LPP: variants seen among roughly 807,000 people sequenced by gnomAD.
LPP encodes lipoma-preferred partner.
Under a neutral mutation model 60.4 loss-of-function variants are expected in LPP, and 38 were observed. That is an observed-to-expected ratio of 0.63 (90% CI 0.49 to 0.83). The LOEUF is 0.83. Ranked by LOEUF, LPP falls within the 40% of genes least tolerant of loss-of-function variation. The probability of loss-of-function intolerance (pLI) is 0.00; values close to 1 mark genes in which losing one functional copy is unlikely to be tolerated. For synonymous variants in LPP, 328 were observed against 290.8 expected (o/e 1.13, Z -1.30); for missense variants, 902 against 783.6 (o/e 1.15, Z -1.80).
intron 7 of LPP, among the ~76,000 whole-genome samples, chr3:188,677,826 T>G (rs1560051420): frequency 6.6e-6 from 1 of 152,084 alleles, no homozygotes; most frequent in Non-Finnish European, 1.5e-5. Flanking sequence ...GTGTTTAAGG[T>G]GTTTACATCA....
intron 3 of LPP, among the ~76,000 whole-genome samples, chr3:188,379,790 T>A (rs899973024): frequency 6.6e-6 from 1 of 152,198 alleles, no homozygotes; most frequent in Non-Finnish European, 1.5e-5. Flanking sequence ...TGGTGAAGAA[T>A]AGAAGCAAGT....
intron 4 of LPP, among the ~76,000 whole-genome samples, chr3:188,450,097 C>A (rs1578987887): frequency 6.6e-6 from 1 of 152,204 alleles, no homozygotes; most frequent in South Asian, 2.1e-4. Context: ...GCCACCACGC[C>A]CAACCTGTAT....
intron 6 of LPP, among the ~76,000 whole-genome samples, chr3:188,549,779 T>G (rs1014733343): frequency 6.6e-6 from 1 of 152,228 alleles, no homozygotes; most frequent in African/African-American, 2.4e-5. Context: ...TTGTATTTAC[T>G]CATGTATATT....
chr3:188,668,697 T>C (rs941115983), intron 7 of LPP, among the ~76,000 whole-genome samples: 1 of 152,214 alleles, frequency 6.6e-6, no homozygotes, highest in African/African-American at 2.4e-5. Flanking sequence ...GCAAGATCAC[T>C]GAGTCATTTG....
intron 2 of LPP, among the ~76,000 whole-genome samples, chr3:188,229,605 C>T (rs1416716836): frequency 6.6e-6 from 1 of 152,206 alleles, no homozygotes; most frequent in Non-Finnish European, 1.5e-5. Flanking sequence ...CGGGTCTGAG[C>T]AGTGACCTAT....
chr3:188,802,863 C>T (rs1747729169), intron 9 of LPP, among the ~76,000 whole-genome samples: 1 of 151,852 alleles, frequency 6.6e-6, no homozygotes, highest in Non-Finnish European at 1.5e-5. Context: ...TGGCTAAGTT[C>T]TCAAAAGTAA....
At chr3:188,786,153 G>A (rs990314399) in intron 9 of LPP, among the ~76,000 whole-genome samples, 5 of 152,018 alleles carry the variant, frequency 3.3e-5, no homozygotes, top group African/African-American at 9.7e-5. Context: ...GCTGAGGCGG[G>A]TGGATCACTT....
In LPP at chr3:188,862,175, G is replaced by A. The variant is rs1578032970; in HGVS notation, c.1411-4025G>A. Among the ~76,000 whole-genome samples, 4 of 152,298 alleles carry A rather than the reference G, an allele frequency of 2.6e-5. No individual in the cohort carries two copies. The South Asian group carries it at 8.3e-4, about 32-fold the overall frequency. On this transcript the variant is annotated intron_variant, in intron 9 of 11. Transcript: ENST00000617246. Reference sequence around the variant, plus strand: ...CTTCCTATACTTTCCCACAGGTGTTGATTGCAAGGACACTTCTTGATAACT... The same window carrying A: ...CTTCCTATACTTTCCCACAGGTGTTAATTGCAAGGACACTTCTTGATAACT...
At chr3:188,510,359 G>A (rs1815091836) in intron 5 of LPP, among the ~76,000 whole-genome samples, 2 of 152,124 alleles carry the variant, frequency 1.3e-5, no homozygotes, top group Non-Finnish European at 2.9e-5. Context: ...GTGGAATCAC[G>A]TTCATTTCTG....
intron 3 of LPP, among the ~76,000 whole-genome samples, chr3:188,402,189 T>C (rs1335040802): frequency 2.0e-5 from 3 of 152,142 alleles, no homozygotes; most frequent in Non-Finnish European, 4.4e-5. Context: ...TTAAATATCC[T>C]AGACAGTAGA....
At chr3:188,159,600 ATACT>A (rs1269989008) in intron 1 of LPP, among the ~76,000 whole-genome samples, 1 of 152,196 alleles carries the variant, frequency 6.6e-6, no homozygotes, top group Non-Finnish European at 1.5e-5. Flanking sequence ...CACTCCAGAA[ATACT>A]TGCTTGATGA....
intron 1 of LPP, among the ~76,000 whole-genome samples, chr3:188,203,562 TATAA>T (rs1234216496): frequency 3.9e-5 from 4 of 103,584 alleles, no homozygotes; most frequent in African/African-American, 7.8e-5. Context: ...TTTAAATATA[TATAA>T]ATATATATTT....
intron 3 of LPP, among the ~76,000 whole-genome samples, chr3:188,374,320 T>C (rs942724889): frequency 9.2e-5 from 14 of 152,322 alleles, no homozygotes; most frequent in Middle Eastern, 3.4e-3. Context: ...TTTCATGATA[T>C]TGATTCTTCC....
At chr3:188,184,822 A>G (rs1423715159) in intron 1 of LPP, among the ~76,000 whole-genome samples, 1 of 151,926 alleles carries the variant, frequency 6.6e-6, no homozygotes, top group Non-Finnish European at 1.5e-5. Flanking sequence ...GTTAGCCTGA[A>G]GGAGATGTAG....
intron 1 of LPP, among the ~76,000 whole-genome samples, chr3:188,165,740 G>A (rs938412308): frequency 1.8e-4 from 28 of 152,164 alleles, no homozygotes; most frequent in African/African-American, 4.8e-4. Flanking sequence ...AAGCAAAACC[G>A]AATTAGGGTT....
chr3:188,655,327 T>G (rs1852938362), intron 7 of LPP, among the ~76,000 whole-genome samples: 1 of 151,918 alleles, frequency 6.6e-6, no homozygotes, highest in African/African-American at 2.4e-5. Flanking sequence ...GATCAGGAAG[T>G]GGTATCAGGG....
At chr3:188,718,785 T>C (rs1715137614) in intron 8 of LPP, among the ~76,000 whole-genome samples, 1 of 152,178 alleles carries the variant, frequency 6.6e-6, no homozygotes, top group Non-Finnish European at 1.5e-5. Flanking sequence ...TATAGTAAAC[T>C]ATAGGGAGGA....
At chr3:188,734,799 G>T (rs898116555) in intron 8 of LPP, among the ~76,000 whole-genome samples, 2 of 152,196 alleles carry the variant, frequency 1.3e-5, no homozygotes, top group East Asian at 1.9e-4. Context: ...TCAATGGAAA[G>T]GATGCATTTG....
In LPP at chr3:188,610,688, A is replaced by T. The variant is rs73194495; in HGVS notation, c.1113+844A>T. ...TTCGTCTGAATAGGTAAGGTGTAAT[A>T]CTACACATGCCCACTCACCACAACT... On this transcript the variant is annotated intron_variant, in intron 7 of 11. Transcript: ENST00000617246. This position sits in a 1 kb window ranked among gnomAD's most constrained non-coding sequence, Gnocchi z 4.4. 0.15 allele frequency among the ~76,000 whole-genome samples: 22,896 copies of T among 152,216 alleles called. 1,868 individuals carry two copies. Among genetic ancestry groups the T allele is most frequent in the Non-Finnish European group, 0.19 (12,626 of 68,002 alleles).
Sources: gnomAD v4.1 joint callset for allele counts (sites outside exome capture counted in the v4.1 genomes callset) on GRCh38, gnomAD v4.1.1 for gene constraint, Gnocchi (gnomAD v3.1) non-coding constraint, MANE v1.5 for transcripts, NCBI Gene and HGNC (gene_info 2026-07-23, HGNC 2026-07-21) for gene names.